The following IMPG1 variants were observed in gnomAD, a reference collection of about 807,000 sequenced individuals.
The protein encoded by IMPG1 is interphotoreceptor matrix proteoglycan 1.
In IMPG1, 85 loss-of-function variants were observed where a neutral mutation model predicts 92.0. The ratio of observed to expected loss-of-function variants is 0.92; its 90% CI spans 0.78 to 1.11. The LOEUF is 1.11. IMPG1 is among the 50% of genes least tolerant of loss of function. IMPG1 has a pLI of 0.00. For synonymous variants in IMPG1, 367 were observed against 334.1 expected, an observed-to-expected ratio of 1.10 and a Z score of -1.08; for missense variants, 1,022 against 956.0, an observed-to-expected ratio of 1.07 and a Z score of -0.91.
chr6:76,056,666 C>T (rs1235318047), intron 1 of IMPG1, among the ~76,000 whole-genome samples: 2 of 152,124 alleles, frequency 1.3e-5, no homozygotes, highest in Non-Finnish European at 2.9e-5. Flanking sequence ...TCAAAGGTTC[C>T]CTTTTCTCCA....
chr6:75,969,773 G>C (rs1484730729), intron 12 of IMPG1, among the ~76,000 whole-genome samples: 1 of 151,726 alleles, frequency 6.6e-6, no homozygotes, highest in African/African-American at 2.4e-5. Flanking sequence ...CAGCACAAAA[G>C]CTTCTTGGTT....
chr6:75,926,930 A>T (rs1374962781), intron 15 of IMPG1, among the ~76,000 whole-genome samples: 1 of 152,244 alleles, frequency 6.6e-6, no homozygotes, highest in Admixed American at 6.5e-5. Flanking sequence ...TTTGTGTGTC[A>T]ATGGTAGTCT....
rs559222024 is a variant in IMPG1, at chr6:75,960,877, G to A, written c.1292-9783C>T. 3.6e-4 allele frequency among the ~76,000 whole-genome samples: 55 copies of A among 152,324 alleles called. No homozygotes were observed. The East Asian group carries it at 4.2e-3, about 12-fold the overall frequency. On this transcript the variant is annotated intron_variant, in intron 12 of 16. Transcript: ENST00000369950. ...CTAGAGTGCGTGTGTGGGTCTGTGAGGGTATGGAGTGTGTTTACGTGTATG... is the reference window on the plus strand; with the variant it reads ...CTAGAGTGCGTGTGTGGGTCTGTGAAGGTATGGAGTGTGTTTACGTGTATG...
chr6:76,056,486 G>A (rs1784122141), intron 1 of IMPG1, among the ~76,000 whole-genome samples: 1 of 151,948 alleles, frequency 6.6e-6, no homozygotes, highest in Non-Finnish European at 1.5e-5. Context: ...GAATAATGCT[G>A]TAATCAGCAT....
intron 13 of IMPG1, 103 bp from the exon 14 acceptor site, chr6:75,947,636 T>A: frequency 1.3e-6 from 1 of 782,254 alleles, no homozygotes; most frequent in Admixed American, 2.9e-5. Context: ...TATATTTTAG[T>A]TCCTTTTTAT....
At chr6:76,012,965 T>C (rs1356065261) in intron 7 of IMPG1, among the ~76,000 whole-genome samples, 1 of 151,364 alleles carries the variant, frequency 6.6e-6, no homozygotes, top group Non-Finnish European at 1.5e-5. Context: ...AGCCACCGAC[T>C]CTGGTTGGTT....
In IMPG1 at chr6:75,922,137, C is replaced by A; in HGVS notation, c.2346G>T (p.Leu782=). The A allele has an allele frequency of 7.1e-7, 1 of 1,413,410 alleles. No homozygotes were observed. The highest frequency in any genetic ancestry group is 1.2e-5 in the South Asian group (1 of 83,490). The allele number at this position is 1,413,410 out of a possible 1,614,324, so 87.6% of individuals were successfully genotyped here. ...KVISKRNSEL[L]TVEYEEFNHQ... ...GGTTAAATTCTTCATATTCTACGGTCAGTAATTCAGAATTTCTTTTACTGA... is the reference window on the plus strand; with the variant it reads ...GGTTAAATTCTTCATATTCTACGGTAAGTAATTCAGAATTTCTTTTACTGA... Residue 782 remains leucine, a synonymous_variant, in exon 17 of 17, where the codon CTG becomes CTT. Transcript: ENST00000369950.
At chr6:76,009,241 T>A (rs1253464356) in intron 8 of IMPG1, among the ~76,000 whole-genome samples, 1 of 152,234 alleles carries the variant, frequency 6.6e-6, no homozygotes, top group East Asian at 1.9e-4. Flanking sequence ...CCACCTTTGC[T>A]GAGAGATAAA....
At chr6:75,941,643 G>A (rs1434694871) in intron 14 of IMPG1, among the ~76,000 whole-genome samples, 1 of 152,130 alleles carries the variant, frequency 6.6e-6, no homozygotes, top group Admixed American at 6.6e-5. Flanking sequence ...TATGGATTAT[G>A]GTCCAGACGT....
At position 75,934,554 on chromosome 6, in the gene IMPG1, C is replaced by T. The variant is rs558102217; in HGVS notation, c.2045-3403G>A. On this transcript the variant is annotated intron_variant, in intron 14 of 16. Transcript: ENST00000369950. ...GATGTCCCCTGCCTGCAGGGAACAC[C>T]TTGAGGCATTTTACAGTCAAAGTTA... Among the ~76,000 whole-genome samples the T allele has an allele frequency of 1.2e-3, 188 of 152,280 alleles. 5 individuals are homozygous for T. In the South Asian group the frequency reaches 0.036, roughly 29 times the overall value.
intron 1 of IMPG1, among the ~76,000 whole-genome samples, chr6:76,058,093 A>G (rs73468846): frequency 0.045 from 6,871 of 152,174 alleles, 526 homozygotes; most frequent in African/African-American, 0.16. Context: ...TTGGACATTA[A>G]CCCTTTACAA....
chr6:75,939,771 C>T (rs1781808056), intron 14 of IMPG1, among the ~76,000 whole-genome samples: 2 of 152,118 alleles, frequency 1.3e-5, no homozygotes, highest in East Asian at 1.9e-4. Flanking sequence ...AAAATGTAAA[C>T]CTCAAGGAAC....
intron 2 of IMPG1, among the ~76,000 whole-genome samples, chr6:76,038,928 G>C (rs1434775854): frequency 6.6e-6 from 1 of 152,252 alleles, no homozygotes; most frequent in Non-Finnish European, 1.5e-5. Context: ...AGTATTGTTA[G>C]ACCAATGGTA....
chr6:76,019,489 A>T (rs1039795338), intron 6 of IMPG1, among the ~76,000 whole-genome samples: 1 of 152,220 alleles, frequency 6.6e-6, no homozygotes, highest in Non-Finnish European at 1.5e-5. Flanking sequence ...CAGTTAATGG[A>T]AATTGCCCTG....
intron 1 of IMPG1, among the ~76,000 whole-genome samples, 164 bp from the exon 2 acceptor site, chr6:76,042,290 T>A (rs543879516): frequency 1.2e-4 from 18 of 152,106 alleles, no homozygotes; most frequent in Non-Finnish European, 1.9e-4. Context: ...GACAAGGCAT[T>A]TTCAGAAATA....
At chr6:75,948,031 C>T (rs558614245) in intron 13 of IMPG1, among the ~76,000 whole-genome samples, 2 of 152,196 alleles carry the variant, frequency 1.3e-5, no homozygotes, top group African/African-American at 2.4e-5. Context: ...AAATATTTCC[C>T]GGCCAACACA....
intron 12 of IMPG1, among the ~76,000 whole-genome samples, chr6:75,986,454 C>A (rs920777060): frequency 2.0e-5 from 3 of 152,028 alleles, no homozygotes; most frequent in Non-Finnish European, 4.4e-5. Context: ...AAATCATGGG[C>A]AAATTGGTTT....
In IMPG1 at chr6:76,025,242, C is replaced by T. The variant is rs1310820164; in HGVS notation, c.514G>A (p.Ala172Thr). ...CCAGGCTCTCCCAATGTCTTCTCTG[C>T]AGATATTTCATCTTTTCTATTAGTA... is the stretch of plus-strand genomic sequence containing the variant. ...SFPDRKDEIS[A>T]EKTLGEPGET... Residue 172 changes from alanine to threonine, a missense_variant, in exon 5 of 17, where the codon GCA (alanine) becomes ACA (threonine). Ala to Thr is a moderately conservative substitution (Grantham distance 58). Transcript: ENST00000369950. 6.3e-7 allele frequency: 1 copy of T among 1,591,820 alleles called. No individual in the cohort carries two copies. Among genetic ancestry groups the T allele is most frequent in the South Asian group, 1.1e-5 (1 of 89,970 alleles).
intron 12 of IMPG1, among the ~76,000 whole-genome samples, chr6:75,953,049 G>A (rs1782060196): frequency 6.6e-6 from 1 of 151,932 alleles, no homozygotes; most frequent in African/African-American, 2.4e-5. Flanking sequence ...TGTGTCATGG[G>A]AAATGCATTT....
Sources: gnomAD v4.1 joint callset for allele counts (sites outside exome capture counted in the v4.1 genomes callset) on GRCh38, gnomAD v4.1.1 for gene constraint, MANE v1.5 for transcripts, NCBI Gene and HGNC (gene_info 2026-07-23, HGNC 2026-07-21) for gene names.